BICD1: variants seen among roughly 807,000 people sequenced by gnomAD.
BICD1 encodes the protein BICD cargo adaptor 1, also known as protein bicaudal D homolog 1.
In BICD1, 35 loss-of-function variants were observed where a neutral mutation model predicts 92.5. The ratio of observed to expected loss-of-function variants is 0.38; its 90% CI spans 0.29 to 0.50. The LOEUF is 0.50. BICD1 is among the 20% of genes least tolerant of loss of function. BICD1 has a pLI of 0.93. For missense variants in BICD1, 950 were observed against 1,189.8 expected, an observed-to-expected ratio of 0.80 and a Z score of 2.97; for synonymous variants, 429 against 465.1, an observed-to-expected ratio of 0.92 and a Z score of 1.00.
At position 32,187,944 on chromosome 12, in the gene BICD1, A is replaced by T. The variant is rs866282270; in HGVS notation, c.214-28303A>T. 6.0e-3 allele frequency among the ~76,000 whole-genome samples: 890 copies of T among 147,450 alleles called. 10 individuals are homozygous for T. Among genetic ancestry groups the T allele is most frequent in the African/African-American group, 0.021 (849 of 40,368 alleles). ...GCAGGCTGGAATCTACTATAAATGCATTTTTTTTTTTTTAGACGGAGTCTC... is the reference window on the plus strand; with the variant it reads ...GCAGGCTGGAATCTACTATAAATGCTTTTTTTTTTTTTTAGACGGAGTCTC... On this transcript the variant is annotated intron_variant, in intron 1 of 9. Coordinates refer to ENST00000652176, the MANE Select transcript of BICD1 (RefSeq NM_001714.4).
chr12:32,239,099 T>C (rs1307220954), intron 2 of BICD1, among the ~76,000 whole-genome samples: 1 of 144,320 alleles, frequency 6.9e-6, no homozygotes, highest in Non-Finnish European at 1.5e-5. Flanking sequence ...ACAAAAAAAT[T>C]AGCTGGGCGT....
chr12:32,192,511 CA>C (rs1363786229), intron 1 of BICD1, among the ~76,000 whole-genome samples: 1 of 148,622 alleles, frequency 6.7e-6, no homozygotes, highest in Non-Finnish European at 1.5e-5. Flanking sequence ...TACTGATATA[CA>C]GAAAGTTTGA....
chr12:32,219,073 G>C (rs1158123388), intron 2 of BICD1, among the ~76,000 whole-genome samples: 1 of 152,182 alleles, frequency 6.6e-6, no homozygotes, highest in African/African-American at 2.4e-5. Context: ...GATTGGAAGA[G>C]AGATCATGTA....
intron 1 of BICD1, among the ~76,000 whole-genome samples, chr12:32,195,228 T>C (rs1944695092): frequency 6.6e-6 from 1 of 152,188 alleles, no homozygotes; most frequent in East Asian, 1.9e-4. Flanking sequence ...CTATCAAAAT[T>C]TTAATGGCAT....
At chr12:32,368,359 A>AAAAAC (rs1442501385) in intron 9 of BICD1, among the ~76,000 whole-genome samples, 15 of 152,058 alleles carry the variant, frequency 9.9e-5, no homozygotes, top group African/African-American at 3.6e-4. Flanking sequence ...CCTGTTGCTA[A>AAAAAC]AAAACAAAAC....
At chr12:32,116,510 C>CTCTCTCTCTATA (rs1233964108) in intron 1 of BICD1, among the ~76,000 whole-genome samples, 7 of 104,402 alleles carry the variant, frequency 6.7e-5, no homozygotes, top group Admixed American at 4.6e-4. Context: ...CTCTCTCTCT[C>CTCTCTCTCTATA]TATATATATA....
chr12:32,267,335 T>C (rs1947025536), intron 2 of BICD1, among the ~76,000 whole-genome samples: 1 of 152,260 alleles, frequency 6.6e-6, no homozygotes. Flanking sequence ...AAACTATTTC[T>C]TGTGAGTTCA....
At chr12:32,350,234 G>A (rs1188564064) in intron 8 of BICD1, among the ~76,000 whole-genome samples, 1 of 152,132 alleles carries the variant, frequency 6.6e-6, no homozygotes, top group Non-Finnish European at 1.5e-5. Flanking sequence ...TGTAATCCCC[G>A]CACTTTGGGA....
At chr12:32,208,314 ATATT>A (rs1249583627) in intron 1 of BICD1, among the ~76,000 whole-genome samples, 2 of 152,248 alleles carry the variant, frequency 1.3e-5, no homozygotes, top group Admixed American at 6.5e-5. Context: ...AGTACTTACT[ATATT>A]TATACCAAGG....
At chr12:32,280,094 A>G (rs1465466124) in intron 2 of BICD1, among the ~76,000 whole-genome samples, 1 of 126,370 alleles carries the variant, frequency 7.9e-6, no homozygotes, top group African/African-American at 3.2e-5. Context: ...GTGAAACTGC[A>G]TCTCTAAATA....
chr12:32,167,045 A>C lies in BICD1; in HGVS notation c.214-49202A>C, dbSNP rs1460151144. 2.0e-5 allele frequency among the ~76,000 whole-genome samples: 3 copies of C among 152,208 alleles called. No homozygotes were observed. In the South Asian group the frequency reaches 6.2e-4, roughly 32 times the overall value. ...TTTTAACTTTGTTTCCTAGATTTTA[A>C]ATTTTTCCACCATAACACGTATTGC... On this transcript the variant is annotated intron_variant, in intron 1 of 9. Transcript: ENST00000652176.
intron 1 of BICD1, among the ~76,000 whole-genome samples, chr12:32,147,673 T>C (rs1943155879): frequency 6.6e-6 from 1 of 152,186 alleles, no homozygotes; most frequent in Non-Finnish European, 1.5e-5. Flanking sequence ...AATAATTTAG[T>C]TAATGTGGGC....
rs567940989 is a variant in BICD1, at chr12:32,358,770, A to G, written c.2765-8900A>G. On this transcript the variant is annotated intron_variant, in intron 8 of 9. Coordinates refer to ENST00000652176, the MANE Select transcript of BICD1 (RefSeq NM_001714.4). ...AGTAATACAGAAAGTGACCTTGCAT[A>G]AACTTAGTTTCTCATTTCTAAACAA... Among the ~76,000 whole-genome samples, 110 of 152,292 alleles carry G rather than the reference A, an allele frequency of 7.2e-4. 1 individual carries two copies. Among genetic ancestry groups the G allele is most frequent in the Non-Finnish European group, 1.3e-3 (91 of 68,024 alleles).
At position 32,337,107 on chromosome 12, in the gene BICD1, C is replaced by T. The variant is rs557635032; in HGVS notation, c.2253-392C>T. Among the ~76,000 whole-genome samples the T allele has an allele frequency of 3.0e-4, 45 of 152,032 alleles. No individual in the cohort carries two copies. The highest frequency in any genetic ancestry group is 6.0e-4 in the Non-Finnish European group (41 of 68,014). On this transcript the variant is annotated intron_variant, in intron 6 of 9. Transcript: ENST00000652176. The surrounding 1 kb of genome is among the most constrained non-coding windows in gnomAD (Gnocchi z 4.7). ...AAAAAAAATACAAAAATTAGCTTGG[C>T]ATGGTGGCACACTCCTGTAATTCCA...
chr12:32,303,458 A>G (rs1302136466), intron 3 of BICD1, among the ~76,000 whole-genome samples: 5 of 152,106 alleles, frequency 3.3e-5, no homozygotes, highest in Admixed American at 2.6e-4. Context: ...TGTATTTCTC[A>G]GTTTTTTCCT....
intron 2 of BICD1, among the ~76,000 whole-genome samples, chr12:32,269,064 T>G (rs1343089559): frequency 6.6e-6 from 1 of 152,160 alleles, no homozygotes. Flanking sequence ...TTTTTCCAAG[T>G]TCCCATGTGA....
chr12:32,288,588 G>A (rs769666348), intron 2 of BICD1, among the ~76,000 whole-genome samples: 20 of 151,952 alleles, frequency 1.3e-4, no homozygotes, highest in Non-Finnish European at 2.6e-4. Flanking sequence ...TAAGTTGGCC[G>A]GGCTTGGTGA....
At position 32,137,820 on chromosome 12, in the gene BICD1, CAG is replaced by C. The variant is rs984946697; in HGVS notation, c.213+30279_213+30280del. The stretch of plus-strand genomic sequence containing the variant: ...TATAAAAACTTTTTTTTTTTTGAGA[CAG>C]AGTCTCCTTCTGTCTCCTAGGCTGG... On this transcript the variant is annotated intron_variant, in intron 1 of 9. Coordinates refer to ENST00000652176, the MANE Select transcript of BICD1 (RefSeq NM_001714.4). Among the ~76,000 whole-genome samples the C allele has an allele frequency of 7.9e-5, 12 of 151,244 alleles. No homozygotes were observed. In the South Asian group the frequency reaches 8.4e-4, roughly 11 times the overall value.
chr12:32,145,630 G>A (rs1440193433), intron 1 of BICD1, among the ~76,000 whole-genome samples: 5 of 152,190 alleles, frequency 3.3e-5, no homozygotes, highest in African/African-American at 1.2e-4. Flanking sequence ...AGCAGTTTTT[G>A]AGCTGAATTT....
Sources: gnomAD v4.1 joint callset for allele counts (sites outside exome capture counted in the v4.1 genomes callset) on GRCh38, gnomAD v4.1.1 for gene constraint, Gnocchi (gnomAD v3.1) non-coding constraint, MANE v1.5 for transcripts, NCBI Gene and HGNC (gene_info 2026-07-23, HGNC 2026-07-21) for gene names.